CHAMP1: variants seen among roughly 807,000 people sequenced by gnomAD.
CHAMP1 encodes chromosome alignment-maintaining phosphoprotein 1.
In CHAMP1, 4 loss-of-function variants were observed where a neutral mutation model predicts 54.5. That is an observed-to-expected ratio of 0.07 (90% CI 0.04 to 0.17). The LOEUF is 0.17. Ranked by LOEUF, CHAMP1 falls within the 10% of genes least tolerant of loss-of-function variation. CHAMP1 has a pLI of 1.00. For synonymous variants in CHAMP1, 368 were observed against 342.2 expected (o/e 1.08, Z -0.83); for missense variants, 994 against 968.6 (o/e 1.03, Z -0.35).
At chr13:114,322,113 T>A (rs1197782750) in intron 2 of CHAMP1, 1 of 149,500 alleles carries the variant, frequency 6.7e-6, no homozygotes, top group Non-Finnish European at 1.5e-5. Flanking sequence ...TGATCTCAGC[T>A]CTCTGCAACC....
Position 114,325,897 on chromosome 13 carries a change from T to C in CHAMP1, c.2055T>C (p.Phe685=), listed in dbSNP as rs782582908. The change falls in exon 3 of 3, where the codon TTT becomes TTC. Residue 685 remains phenylalanine (F), a synonymous_variant. Transcript: ENST00000361283. ...SPEQSRNVLQ[F]TEEKEAFISE... ...AGCAGTCTAGAAATGTGCTACAGTTTACTGAAGAAAAAGAAGCTTTTATCT... is the reference window on the plus strand; with the variant it reads ...AGCAGTCTAGAAATGTGCTACAGTTCACTGAAGAAAAAGAAGCTTTTATCT... 6 of 1,613,874 alleles carry C rather than the reference T, an allele frequency of 3.7e-6. 1 individual carries two copies. In the South Asian group the frequency reaches 5.5e-5, roughly 15 times the overall value.
chr13:114,318,632 A>G (rs1323279581), intron 1 of CHAMP1, among the ~76,000 whole-genome samples: 1 of 151,950 alleles, frequency 6.6e-6, no homozygotes, highest in African/African-American at 2.4e-5. Context: ...CCTGATCATC[A>G]GATTCTAATT....
chr13:114,326,035 G>A lies in CHAMP1; in HGVS notation c.2193G>A (p.Lys731=), dbSNP rs782706179. The part of the protein sequence containing the change: ...KGAVLHHLVN[K]HNVHSPYKCT... ...CTGTTTTGCATCATTTGGTTAATAA[G>A]CATAATGTTCATAGCCCTTACAAAT... is the stretch of plus-strand genomic sequence containing the variant. The change falls in exon 3 of 3, where the codon AAG becomes AAA. Residue 731 remains lysine, a synonymous_variant. Coordinates refer to ENST00000361283, the MANE Select transcript of CHAMP1 (RefSeq NM_032436.4). 117 of 1,613,964 alleles carry A rather than the reference G, an allele frequency of 7.2e-5. 3 individuals carry two copies. In the South Asian group the frequency reaches 1.1e-3, roughly 16 times the overall value.
In CHAMP1 at chr13:114,324,471, C is replaced by A; in HGVS notation, c.629C>A (p.Pro210His). ...GTTCCTTCTCCAGAACCACAGAAAC[C>A]TGCCCCTGTATCTCCTGAGTCAGTA... The part of the protein sequence containing the change: ...APVPSPEPQK[P>H]APVSPESVKA... The change falls in exon 3 of 3, where the codon CCT (proline) becomes CAT (histidine). Residue 210 changes from proline to histidine, a missense_variant. Physicochemically the swap from Pro to His is moderately conservative, Grantham distance 77. Coordinates refer to ENST00000361283, the MANE Select transcript of CHAMP1 (RefSeq NM_032436.4). 1.9e-6 allele frequency: 3 copies of A among 1,614,194 alleles called. No homozygotes were observed. The highest frequency in any genetic ancestry group is 2.5e-6 in the Non-Finnish European group (3 of 1,180,034).
chr13:114,314,866 C>G (rs781671319), intron 1 of CHAMP1, among the ~76,000 whole-genome samples: 1 of 152,182 alleles, frequency 6.6e-6, no homozygotes, highest in Non-Finnish European at 1.5e-5. Context: ...CGGTGTCAGT[C>G]GCTGCCGAGG....
intron 1 of CHAMP1, among the ~76,000 whole-genome samples, chr13:114,320,678 T>C (rs1007259424): frequency 1.2e-4 from 19 of 152,118 alleles, no homozygotes; most frequent in Non-Finnish European, 2.1e-4. Context: ...GTGTTCGGGC[T>C]GGGCGCGGTG....
chr13:114,325,526 G>C lies in CHAMP1; in HGVS notation c.1684G>C (p.Glu562Gln). ...GCCCCGGAAGCATGCCCTTTTCCCT[G>C]AACTCCCCAAATCTGCTCTATTCTC... ...PEPRKHALFP[E>Q]LPKSALFSES... Residue 562 changes from glutamate (E) to glutamine (Q), a missense_variant, in exon 3 of 3, where the codon GAA becomes CAA. Transcript: ENST00000361283. 1 of 1,614,068 alleles carries C rather than the reference G, an allele frequency of 6.2e-7. No homozygotes were observed. The highest frequency in any genetic ancestry group is 1.1e-5 in the South Asian group (1 of 91,078).
At position 114,324,251 on chromosome 13, in the gene CHAMP1, C is replaced by T; in HGVS notation, c.409C>T (p.Leu137Phe). The change falls in exon 3 of 3, where the codon CTT (leucine) becomes TTT (phenylalanine). Residue 137 changes from leucine (L) to phenylalanine (F), a missense_variant. Coordinates refer to ENST00000361283, the MANE Select transcript of CHAMP1 (RefSeq NM_032436.4). Reference protein sequence around the residue: ...IPALSMETQKLGSVLSPESPK... With the variant: ...IPALSMETQKFGSVLSPESPK... ...TGCCCTTTCAATGGAAACACAGAAA[C>T]TTGGTTCAGTTTTGTCTCCAGAATC... The T allele has an allele frequency of 6.2e-7, 1 of 1,614,170 alleles. No individual in the cohort carries two copies. Among genetic ancestry groups the T allele is most frequent in the Non-Finnish European group, 8.5e-7 (1 of 1,180,032 alleles).
In CHAMP1 at chr13:114,324,786, G is replaced by T; in HGVS notation, c.944G>T (p.Gly315Val). The change falls in exon 3 of 3, where the codon GGG (glycine) becomes GTG (valine). Residue 315 changes from glycine (G) to valine (V), a missense_variant. Coordinates refer to ENST00000361283, the MANE Select transcript of CHAMP1 (RefSeq NM_032436.4). ...GTGTCACCAGGCTCTTGGAAACCAG[G>T]GCCACCTGGGTCCCCTAGGCCTTGG... ...PAVSPGSWKP[G>V]PPGSPRPWKS... The T allele has an allele frequency of 1.2e-6, 2 of 1,613,970 alleles. No individual in the cohort carries two copies. Among genetic ancestry groups the T allele is most frequent in the South Asian group, 2.2e-5 (2 of 91,072 alleles).
intron 1 of CHAMP1, among the ~76,000 whole-genome samples, chr13:114,316,799 T>C (rs1366443972): frequency 1.3e-5 from 2 of 151,418 alleles, no homozygotes; most frequent in African/African-American, 4.9e-5. Context: ...TTGTACTTAC[T>C]GGTTAAACAT....
intron 2 of CHAMP1, chr13:114,323,126 A>G (rs1423396872): frequency 4.6e-5 from 7 of 152,144 alleles, no homozygotes; most frequent in African/African-American, 1.7e-4. Context: ...TTTCCAACTC[A>G]TGAACGCCAT....
In CHAMP1 at chr13:114,324,931, A is replaced by G. The variant is rs1040913799; in HGVS notation, c.1089A>G (p.Pro363=). 1.9e-6 allele frequency: 3 copies of G among 1,613,968 alleles called. No individual in the cohort carries two copies. Among genetic ancestry groups the G allele is most frequent in the Admixed American group, 1.7e-5 (1 of 60,010 alleles). ...CTCCTGGACCTTGGAAACCAACTCC[A>G]TCTGTGTCTTCTGCATCCTGGAAAT... ...SVSPGPWKPT[P]SVSSASWKSS... The change falls in exon 3 of 3, where the codon CCA becomes CCG. Residue 363 remains proline, a synonymous_variant. Transcript: ENST00000361283.
rs1555379695 is a variant in CHAMP1, at chr13:114,325,067, T to A, written c.1225T>A (p.Trp409Arg). The change falls in exon 3 of 3, where the codon TGG becomes AGG. Residue 409 changes from tryptophan (W) to arginine (R), a missense_variant. Physicochemically the swap from Trp to Arg is moderately radical, Grantham distance 101. This residue lies in a region of CHAMP1 where 851 missense variants were observed against 701.3 expected (regional missense o/e 1.21). Coordinates refer to ENST00000361283, the MANE Select transcript of CHAMP1 (RefSeq NM_032436.4). ...KTAPTLSPEH[W>R]KAVPPVSPEL... ...AGCTCCCACGTTGTCTCCTGAACAT[T>A]GGAAGGCAGTTCCCCCAGTGTCTCC... 3 of 1,613,936 alleles carry A rather than the reference T, an allele frequency of 1.9e-6. No individual in the cohort carries two copies. In the Admixed American group the frequency reaches 5.0e-5, roughly 27 times the overall value.
intron 1 of CHAMP1, among the ~76,000 whole-genome samples, chr13:114,320,454 A>G (rs1007098769): frequency 2.0e-5 from 3 of 152,148 alleles, no homozygotes; most frequent in Admixed American, 1.3e-4. Context: ...TGTAATATCA[A>G]TAATTGACAA....
In CHAMP1 at chr13:114,324,631, A is replaced by G. The variant is rs782255585; in HGVS notation, c.789A>G (p.Ala263=). The change falls in exon 3 of 3, where the codon GCA becomes GCG. Residue 263 remains alanine, a synonymous_variant. Coordinates refer to ENST00000361283, the MANE Select transcript of CHAMP1 (RefSeq NM_032436.4). ...AACCTTGGGGACCATCCCCAGCTGC[A>G]TCTCCAGAATCTCGGAAGTCAGCCC... ...SPEPWGPSPA[A]SPESRKSART... 1.2e-5 allele frequency: 19 copies of G among 1,613,768 alleles called. 1 individual carries two copies. In the East Asian group the frequency reaches 2.5e-4, roughly 21 times the overall value.
chr13:114,321,870 A>C (rs2087176817), intron 2 of CHAMP1, among the ~76,000 whole-genome samples: 1 of 152,156 alleles, frequency 6.6e-6, no homozygotes, highest in Admixed American at 6.5e-5. Flanking sequence ...AGAAAGAGTA[A>C]ATAGTTTCCG....
chr13:114,317,254 T>C (rs376591835), intron 1 of CHAMP1, among the ~76,000 whole-genome samples: 1 of 152,136 alleles, frequency 6.6e-6, no homozygotes, highest in East Asian at 2.0e-4. Context: ...CGAACTCCTG[T>C]CCTCAAATGA....
chr13:114,315,835 G>T (rs75686216), intron 1 of CHAMP1, among the ~76,000 whole-genome samples: 3,505 of 129,732 alleles, frequency 0.027, 127 homozygotes, highest in African/African-American at 0.087. Flanking sequence ...GGCAAGTTTT[G>T]TTTTTTTTTT....
intron 1 of CHAMP1, among the ~76,000 whole-genome samples, chr13:114,316,684 C>G (rs554013895): frequency 1.3e-5 from 2 of 151,798 alleles, no homozygotes; most frequent in Non-Finnish European, 2.9e-5. Flanking sequence ...ATATCTCACA[C>G]TAATGCAAGA....
Sources: allele counts gnomAD v4.1 joint callset (sites outside exome capture counted in the v4.1 genomes callset), GRCh38; gene constraint gnomAD v4.1.1; regional missense constraint gnomAD v4.1.1; transcripts MANE v1.5; gene names NCBI Gene and HGNC (gene_info 2026-07-23, HGNC 2026-07-21).